Variants in SLC26A7 observed in about 807,000 individuals in gnomAD.
The protein encoded by SLC26A7 is anion exchange transporter.
Under a neutral mutation model 82.5 loss-of-function variants are expected in SLC26A7, and 59 were observed. That is an observed-to-expected ratio of 0.72 (90% CI 0.58 to 0.89). SLC26A7 has a LOEUF of 0.89. Ranked by LOEUF, SLC26A7 falls within the 40% of genes least tolerant of loss-of-function variation. The pLI is 0.00. For missense variants in SLC26A7, 820 were observed against 793.0 expected (o/e 1.03, Z -0.41); for synonymous variants, 271 against 274.3 (o/e 0.99, Z 0.12).
At chr8:91,386,102 G>T (rs1403867840) in intron 15 of SLC26A7, among the ~76,000 whole-genome samples, 4 of 152,084 alleles carry the variant, frequency 2.6e-5, no homozygotes, top group African/African-American at 9.7e-5. Context: ...AGCCATGTTT[G>T]CCATGGCTGT....
chr8:91,332,483 A>G (rs964743007), intron 5 of SLC26A7, among the ~76,000 whole-genome samples: 1 of 121,454 alleles, frequency 8.2e-6, no homozygotes, highest in African/African-American at 3.3e-5. Context: ...TTCTGTATAT[A>G]TATTTAATAC....
chr8:91,259,227 C>T (rs1463553363), intron 2 of SLC26A7, among the ~76,000 whole-genome samples: 3 of 152,076 alleles, frequency 2.0e-5, no homozygotes, highest in African/African-American at 4.8e-5. Context: ...GTTCCATATT[C>T]CCAAATGGCA....
intron 5 of SLC26A7, among the ~76,000 whole-genome samples, chr8:91,319,422 C>T (rs975356545): frequency 6.6e-6 from 1 of 152,136 alleles, no homozygotes; most frequent in Non-Finnish European, 1.5e-5. Context: ...TATCACTTGT[C>T]TAAGTGTGTT....
At chr8:91,290,847 T>C (rs540759544) in intron 3 of SLC26A7, among the ~76,000 whole-genome samples, 13 of 152,160 alleles carry the variant, frequency 8.5e-5, no homozygotes, top group Non-Finnish European at 1.6e-4. Flanking sequence ...TCAATTAATT[T>C]TGTTATGAGG....
At chr8:91,297,813 G>A (rs866383215) in intron 4 of SLC26A7, among the ~76,000 whole-genome samples, 1 of 152,106 alleles carries the variant, frequency 6.6e-6, no homozygotes. Flanking sequence ...TGAAGTGTGT[G>A]TTTGTCTTGT....
chr8:91,315,471 A>AT (rs373426570), intron 4 of SLC26A7, among the ~76,000 whole-genome samples: 15,525 of 151,292 alleles, frequency 0.1, 946 homozygotes, highest in Middle Eastern at 0.21. Flanking sequence ...AAAAAAAAAA[A>AT]CACCATGTTC....
intron 2 of SLC26A7, among the ~76,000 whole-genome samples, chr8:91,266,621 T>C (rs1489386743): frequency 6.6e-6 from 1 of 151,936 alleles, no homozygotes; most frequent in Admixed American, 6.6e-5. Flanking sequence ...ATTCATTTAT[T>C]AGTTCTAACA....
At chr8:91,294,131 A>G (rs1811950855) in intron 3 of SLC26A7, among the ~76,000 whole-genome samples, 1 of 152,252 alleles carries the variant, frequency 6.6e-6, no homozygotes, top group African/African-American at 2.4e-5. Flanking sequence ...CACCAACTCT[A>G]TGGAACAGAG....
At chr8:91,261,995 A>G (rs1463839029) in intron 2 of SLC26A7, among the ~76,000 whole-genome samples, 1 of 152,066 alleles carries the variant, frequency 6.6e-6, no homozygotes, top group Non-Finnish European at 1.5e-5. Context: ...ATTGGACGTG[A>G]ACTCCTCCTA....
chr8:91,218,449 C>A (rs945821888), intron 1 of SLC26A7, among the ~76,000 whole-genome samples: 2 of 152,054 alleles, frequency 1.3e-5, no homozygotes, highest in Non-Finnish European at 1.5e-5. Context: ...AGACAGTGAA[C>A]AAAGAATTTT....
chr8:91,371,338 G>T (rs949441642), intron 15 of SLC26A7, among the ~76,000 whole-genome samples: 2 of 151,456 alleles, frequency 1.3e-5, no homozygotes, highest in African/African-American at 2.4e-5. Context: ...TGATTACACT[G>T]GTATATTGAA....
chr8:91,390,458 T>A (rs1814931870), intron 16 of SLC26A7, among the ~76,000 whole-genome samples: 1 of 152,042 alleles, frequency 6.6e-6, no homozygotes, highest in African/African-American at 2.4e-5. Context: ...TCTTTCTTAT[T>A]TCTTTTTGTT....
intron 11 of SLC26A7, among the ~76,000 whole-genome samples, chr8:91,353,602 C>G (rs1813781996): frequency 6.6e-6 from 1 of 152,102 alleles, no homozygotes. Flanking sequence ...AGAATTCTCT[C>G]CCTCTCCAAT....
chr8:91,286,430 C>T (rs1280807705), intron 2 of SLC26A7, among the ~76,000 whole-genome samples: 1 of 152,138 alleles, frequency 6.6e-6, no homozygotes, highest in Non-Finnish European at 1.5e-5. Flanking sequence ...CCTTACATTA[C>T]CATTAAATAA....
At chr8:91,303,542 G>A (rs141317837) in intron 4 of SLC26A7, among the ~76,000 whole-genome samples, 9 of 152,234 alleles carry the variant, frequency 5.9e-5, no homozygotes, top group Admixed American at 6.5e-5. Flanking sequence ...GTATCTTTTA[G>A]TTAAGTTATA....
intron 2 of SLC26A7, among the ~76,000 whole-genome samples, chr8:91,223,970 CT>C (rs1181808456): frequency 1.3e-5 from 2 of 151,666 alleles, no homozygotes; most frequent in African/African-American, 2.4e-5. Flanking sequence ...GTTGATTTGG[CT>C]GTTGATACTT....
Position 91,343,341 on chromosome 8 carries a change from T to C in SLC26A7, c.1027-12T>C, listed in dbSNP as rs1380479981. On this transcript the variant is annotated splice_polypyrimidine_tract_variant and intron_variant, in intron 8 of 18. Coordinates refer to ENST00000276609, the MANE Select transcript of SLC26A7 (RefSeq NM_052832.4). ...GATTAAGATATTATATATTCTCTCATGAATCTTGCAGGAATTTTTGGCCCA... is the reference window on the plus strand; with the variant it reads ...GATTAAGATATTATATATTCTCTCACGAATCTTGCAGGAATTTTTGGCCCA... 4 of 1,528,514 alleles carry C rather than the reference T, an allele frequency of 2.6e-6. No homozygotes were observed. The highest frequency in any genetic ancestry group is 1.2e-5 in the South Asian group (1 of 86,698). 94.7% of individuals were successfully genotyped at this position (1,528,514 alleles called of 1,614,324 possible).
chr8:91,221,704 G>A (rs1393772617), intron 2 of SLC26A7, among the ~76,000 whole-genome samples: 1 of 151,944 alleles, frequency 6.6e-6, no homozygotes, highest in East Asian at 1.9e-4. Context: ...TATTTCTGAG[G>A]CCTCTGTTCT....
At chr8:91,256,319 C>A (rs886592376) in intron 2 of SLC26A7, among the ~76,000 whole-genome samples, 1 of 152,010 alleles carries the variant, frequency 6.6e-6, no homozygotes, top group African/African-American at 2.4e-5. Context: ...GAAGGTTTGT[C>A]GGCCAAGATG....
Sources: allele counts gnomAD v4.1 joint callset (sites outside exome capture counted in the v4.1 genomes callset), GRCh38; gene constraint gnomAD v4.1.1; transcripts MANE v1.5; gene names NCBI Gene and HGNC (gene_info 2026-07-23, HGNC 2026-07-21).